The following DDX47 variants were observed in gnomAD, a reference collection of about 807,000 sequenced individuals.
DDX47 encodes the protein probable ATP-dependent RNA helicase DDX47.
Under a neutral mutation model 58.8 loss-of-function variants are expected in DDX47, and 60 were observed. The ratio of observed to expected loss-of-function variants is 1.02; its 90% CI spans 0.83 to 1.26. DDX47 has a LOEUF of 1.26. DDX47 is among the 50% of genes most tolerant of loss of function. The pLI is 0.00. For synonymous variants in DDX47, 197 were observed against 204.6 expected (o/e 0.96, Z 0.32); for missense variants, 530 against 573.2 (o/e 0.92, Z 0.77).
At chr12:12,815,925 C>A (rs1440680602) in intron 2 of DDX47, among the ~76,000 whole-genome samples, 4 of 152,060 alleles carry the variant, frequency 2.6e-5, no homozygotes, top group East Asian at 3.9e-4. Context: ...TCTGGGAAAC[C>A]AATTAGTAGG....
At chr12:12,826,113 G>T in intron 10 of DDX47, 43 bp downstream of exon 10, 1 of 1,556,238 alleles carries the variant, frequency 6.4e-7, no homozygotes. Flanking sequence ...AGAGAAAAGA[G>T]CAGAACTTTC....
chr12:12,824,638 A>G lies in DDX47; in HGVS notation c.996A>G (p.Val332=), dbSNP rs137865216. 85 of 1,614,092 alleles carry G rather than the reference A, an allele frequency of 5.3e-5. No individual in the cohort carries two copies. Among genetic ancestry groups the G allele is most frequent in the Non-Finnish European group, 7.0e-5 (83 of 1,180,038 alleles). The change falls in exon 9 of 12, where the codon GTA becomes GTG. Residue 332 remains valine (V), a synonymous_variant. Transcript: ENST00000358007. The part of the protein sequence containing the change: ...VASRGLDIPH[V]DVVVNFDIPT... ...GCCGAGGTTTGGACATACCTCATGT[A>G]GATGTGGTTGTCAACTTTGACATTC...
chr12:12,828,344 A>G (rs950824420), intron 11 of DDX47, among the ~76,000 whole-genome samples: 1 of 152,198 alleles, frequency 6.6e-6, no homozygotes, highest in Non-Finnish European at 1.5e-5. Context: ...TATATAAGGT[A>G]TATATGAAAC....
intron 9 of DDX47, among the ~76,000 whole-genome samples, chr12:12,825,413 G>A (rs141486008): frequency 5.3e-4 from 81 of 152,260 alleles, no homozygotes; most frequent in African/African-American, 1.9e-3. Context: ...GTAGATAACA[G>A]CATCACACAG....
intron 11 of DDX47, among the ~76,000 whole-genome samples, chr12:12,827,876 C>CTTTTTT (rs58725534): frequency 7.5e-6 from 1 of 132,778 alleles, no homozygotes; most frequent in Non-Finnish European, 1.6e-5. Flanking sequence ...TTTCTTTTTT[C>CTTTTTT]TTTTTTTTTT....
At position 12,821,725 on chromosome 12, in the gene DDX47, A is replaced by G; in HGVS notation, c.441A>G (p.Ile147Met). 2 of 1,607,646 alleles carry G rather than the reference A, an allele frequency of 1.2e-6. No homozygotes were observed. The highest frequency in any genetic ancestry group is 2.2e-5 in the South Asian group (2 of 90,958). Reference protein sequence around the residue: ...LALAKKPHIIIATPGRLIDHL... With the variant: ...LALAKKPHIIMATPGRLIDHL... ...TTGCAAAAAAACCACATATAATAATAGGTGAGTAACTGACAAAGGTAAAAG... is the reference window on the plus strand; with the variant it reads ...TTGCAAAAAAACCACATATAATAATGGGTGAGTAACTGACAAAGGTAAAAG... The change falls in exon 4 of 12, where the codon ATA becomes ATG. Residue 147 changes from isoleucine (I) to methionine (M), a missense_variant and splice_region_variant. By Grantham distance (10) the Ile-to-Met change is conservative. Transcript: ENST00000358007.
chr12:12,821,874 G>T, intron 4 of DDX47, 91 bp from the exon 5 acceptor site: 1 of 1,137,670 alleles, frequency 8.8e-7, no homozygotes, highest in South Asian at 1.3e-5. Flanking sequence ...GAGCTGTGGG[G>T]TGGGGCAGAT....
rs781320169 is a variant in DDX47 at position 12,821,945 on chromosome 12, T to A, written c.443-20T>A. 6.6e-7 allele frequency: 1 copy of A among 1,509,476 alleles called. No homozygotes were observed. The highest frequency in any genetic ancestry group is 1.1e-5 in the South Asian group (1 of 88,186). The allele number at this position is 1,509,476 out of a possible 1,614,324, so 93.5% of individuals were successfully genotyped here. ...TCCTGTTCTGAAATGTCACTGTTTC[T>A]CCTCAACCTTTCTTGGTAGCAACTC... On this transcript the variant is annotated intron_variant, in intron 4 of 11. Coordinates refer to ENST00000358007, the MANE Select transcript of DDX47 (RefSeq NM_016355.4).
Position 12,827,146 on chromosome 12 carries a change from C to T in DDX47, c.1107-100C>T. The T allele has an allele frequency of 3.6e-6, 5 of 1,391,968 alleles. No individual in the cohort carries two copies. The South Asian group carries it at 5.5e-5, about 15-fold the overall frequency. The allele number at this position is 1,391,968 out of a possible 1,614,324, so 86.2% of individuals were successfully genotyped here. A position where few individuals can be genotyped will look rare whatever the true frequency, so the allele number is the denominator to read the frequency against. Reference sequence around the variant, plus strand: ...AATAATATGTTCAATATTGTTTAAACCTATGGTTCCTATTGCGTTGTATCA... The same window carrying T: ...AATAATATGTTCAATATTGTTTAAATCTATGGTTCCTATTGCGTTGTATCA... On this transcript the variant is annotated intron_variant, in intron 10 of 11. Transcript: ENST00000358007.
chr12:12,823,500 A>G, intron 7 of DDX47, 181 bp downstream of exon 7: 1 of 597,860 alleles, frequency 1.7e-6, no homozygotes, highest in Non-Finnish European at 3.0e-6. Flanking sequence ...GGAATTCACA[A>G]CACATTAAAT....
At chr12:12,828,100 C>A (rs957056578) in intron 11 of DDX47, among the ~76,000 whole-genome samples, 1 of 151,770 alleles carries the variant, frequency 6.6e-6, no homozygotes, top group African/African-American at 2.4e-5. Context: ...TCAGGTAATC[C>A]CCCCGCCTCG....
Position 12,822,051 on chromosome 12 carries a change from G to T in DDX47, c.529G>T (p.Asp177Tyr), listed in dbSNP as rs1374744489. The T allele has an allele frequency of 2.5e-6, 4 of 1,613,294 alleles. No homozygotes were observed. Among genetic ancestry groups the T allele is most frequent in the Admixed American group, 1.7e-5 (1 of 59,980 alleles). ...CAAATACTTGGTCATGGATGAAGCC[G>T]ACCGAATACTGAATATGGATTTTGA... ...ALKYLVMDEA[D>Y]RILNMDFETE... is the part of the protein sequence containing the mutation. The change falls in exon 5 of 12, where the codon GAC becomes TAC. Residue 177 changes from aspartate (D) to tyrosine (Y), a missense_variant. By Grantham distance (160) the Asp-to-Tyr change is radical. Transcript: ENST00000358007.
At chr12:12,820,041 ACAGT>A (rs1292641917) in intron 2 of DDX47, among the ~76,000 whole-genome samples, 2 of 140,582 alleles carry the variant, frequency 1.4e-5, no homozygotes, top group African/African-American at 2.4e-5. Flanking sequence ...CAGCAGTTAC[ACAGT>A]CAGAACAGGG....
chr12:12,818,854 T>A (rs996648461), intron 2 of DDX47, among the ~76,000 whole-genome samples: 1 of 152,112 alleles, frequency 6.6e-6, no homozygotes, highest in Admixed American at 6.5e-5. Context: ...TCAGATCTCA[T>A]GAGATTTATT....
At chr12:12,824,839 C>T in intron 9 of DDX47, 162 bp downstream of exon 9, 2 of 665,006 alleles carry the variant, frequency 3.0e-6, no homozygotes, top group Non-Finnish European at 5.0e-6. Flanking sequence ...CTTGCACAGG[C>T]CTGTGTATGT....
At chr12:12,822,764 T>A (rs1862992847) in intron 6 of DDX47, 32 bp downstream of exon 6, 2 of 1,560,416 alleles carry the variant, frequency 1.3e-6, no homozygotes. Flanking sequence ...GTTTCTTCTT[T>A]ATGAGAATTG....
intron 2 of DDX47, among the ~76,000 whole-genome samples, chr12:12,817,708 A>G (rs1382982783): frequency 6.6e-6 from 1 of 152,242 alleles, no homozygotes; most frequent in African/African-American, 2.4e-5. Flanking sequence ...ATTCTGGTAT[A>G]TTCTCTACAG....
chr12:12,824,401 C>T (rs1863019982), intron 8 of DDX47, 139 bp from the exon 9 acceptor site: 2 of 813,962 alleles, frequency 2.5e-6, no homozygotes, highest in Non-Finnish European at 3.7e-6. Flanking sequence ...TCTGTTTTGA[C>T]CTGTGAAGCC....
chr12:12,813,469 C>A lies in DDX47; in HGVS notation c.87+15C>A. The A allele has an allele frequency of 6.3e-7, 1 of 1,596,828 alleles. No individual in the cohort carries two copies. Among genetic ancestry groups the A allele is most frequent in the East Asian group, 2.3e-5 (1 of 43,872 alleles). ...TTAAAGACCTGGTGAGAATGGATGA[C>A]GCTGGCTTCTTTTATGTACTCTGGT... On this transcript the variant is annotated intron_variant, in intron 1 of 11. Transcript: ENST00000358007.
Sources: allele counts gnomAD v4.1 joint callset (sites outside exome capture counted in the v4.1 genomes callset), GRCh38; gene constraint gnomAD v4.1.1; transcripts MANE v1.5; gene names NCBI Gene and HGNC (gene_info 2026-07-23, HGNC 2026-07-21).